Variants in MCF2L2 observed in about 807,000 individuals in gnomAD.
MCF2L2 encodes probable guanine nucleotide exchange factor MCF2L2.
A neutral mutation model predicts 150.2 loss-of-function variants in MCF2L2; 102 were observed. The ratio of observed to expected loss-of-function variants is 0.68; its 90% CI spans 0.58 to 0.80. The LOEUF (loss-of-function observed/expected upper bound fraction) is 0.80. Ranked by LOEUF, MCF2L2 falls within the 30% of genes least tolerant of loss-of-function variation. The probability of loss-of-function intolerance (pLI) is 0.00; values close to 1 mark genes in which losing one functional copy is unlikely to be tolerated. For missense variants in MCF2L2, 1,256 were observed against 1,372.8 expected (o/e 0.91, Z 1.34); for synonymous variants, 465 against 491.3 (o/e 0.95, Z 0.71).
Position 183,280,574 on chromosome 3 carries a change from G to A in MCF2L2, c.1777-3617C>T, listed in dbSNP as rs191797524. On this transcript the variant is annotated intron_variant, in intron 14 of 29. Coordinates refer to ENST00000328913, the MANE Select transcript of MCF2L2 (RefSeq NM_015078.4). ...TAAAGCAAGGGTATCTGGGCCAGGC[G>A]TGGTGGCTCCCTCCTGTAATCCTAG... is the stretch of plus-strand genomic sequence containing the variant. 3.9e-5 allele frequency among the ~76,000 whole-genome samples: 6 copies of A among 152,066 alleles called. No homozygotes were observed. In the East Asian group the frequency reaches 5.8e-4, roughly 15 times the overall value.
At chr3:183,376,729 A>T (rs1409951594) in intron 3 of MCF2L2, 3 of 152,252 alleles carry the variant, frequency 2.0e-5, no homozygotes, top group Non-Finnish European at 4.4e-5. Flanking sequence ...AAGAGCCCTC[A>T]TAAAGAAATG....
rs181240544 is a variant in MCF2L2, at chr3:183,307,173, C to T, written c.1113+2543G>A. Reference sequence around the variant, plus strand: ...GAAGCTGGCAACACCCCAGAGCCAGCGTGTGGCTGTGCTGGGAGGGAGCTG... The same window carrying T: ...GAAGCTGGCAACACCCCAGAGCCAGTGTGTGGCTGTGCTGGGAGGGAGCTG... On this transcript the variant is annotated intron_variant, in intron 10 of 29. Transcript: ENST00000328913. 4.6e-5 allele frequency among the ~76,000 whole-genome samples: 7 copies of T among 152,282 alleles called. No individual in the cohort carries two copies. In the East Asian group the frequency reaches 5.8e-4, roughly 13 times the overall value.
At chr3:183,333,773 C>A (rs202237090) in intron 5 of MCF2L2, among the ~76,000 whole-genome samples, 1 of 152,024 alleles carries the variant, frequency 6.6e-6, no homozygotes, top group East Asian at 1.9e-4. Flanking sequence ...CTTCTGTCTG[C>A]TGAAAGAGCC....
At chr3:183,215,870 C>A (rs1722891953) in intron 22 of MCF2L2, 99 bp downstream of exon 22, 2 of 1,421,042 alleles carry the variant, frequency 1.4e-6, no homozygotes, top group South Asian at 2.8e-5. Context: ...AATTCCTTTA[C>A]CATAGACGAT....
At chr3:183,366,472 C>T (rs1444734305) in intron 3 of MCF2L2, among the ~76,000 whole-genome samples, 1 of 152,186 alleles carries the variant, frequency 6.6e-6, no homozygotes, top group Admixed American at 6.5e-5. Context: ...TGGCAAAATC[C>T]TGTCTCTACT....
chr3:183,336,511 C>T (rs1231502915), intron 5 of MCF2L2, among the ~76,000 whole-genome samples: 1 of 152,046 alleles, frequency 6.6e-6, no homozygotes, highest in Non-Finnish European at 1.5e-5. Flanking sequence ...GAGTTCAATT[C>T]ATTTTGATAA....
chr3:183,321,499 G>A (rs992267305), intron 6 of MCF2L2, among the ~76,000 whole-genome samples: 1 of 151,538 alleles, frequency 6.6e-6, no homozygotes, highest in African/African-American at 2.4e-5. Flanking sequence ...AACAAACTCT[G>A]AAATATTGCA....
At chr3:183,295,534 C>A in intron 12 of MCF2L2, 57 bp from the exon 13 acceptor site, 1 of 1,540,696 alleles carries the variant, frequency 6.5e-7, no homozygotes, top group Non-Finnish European at 8.9e-7. Flanking sequence ...AGCCTGAGGA[C>A]ACGAAGCATT....
intron 15 of MCF2L2, among the ~76,000 whole-genome samples, chr3:183,239,237 T>G (rs1723895127): frequency 6.6e-6 from 1 of 152,120 alleles, no homozygotes; most frequent in African/African-American, 2.4e-5. Flanking sequence ...CTGCGTTAGT[T>G]TACATCCGGG....
Position 183,201,251 on chromosome 3 carries a change from T to C in MCF2L2, c.2884+4625A>G, listed in dbSNP as rs184849389. On this transcript the variant is annotated intron_variant, in intron 25 of 29. Transcript: ENST00000328913. ...ATTTTCACGATATTGATTCTTCCTA[T>C]CCATGAGCATGGAATGTTCTTCCAT... Among the ~76,000 whole-genome samples the C allele has an allele frequency of 1.7e-4, 26 of 152,286 alleles. No individual in the cohort carries two copies. The South Asian group carries it at 3.7e-3, about 22-fold the overall frequency.
intron 15 of MCF2L2, among the ~76,000 whole-genome samples, chr3:183,249,686 G>C (rs1047684690): frequency 6.6e-6 from 1 of 152,240 alleles, no homozygotes; most frequent in African/African-American, 2.4e-5. Flanking sequence ...AAGGGTGCCA[G>C]GCCATAGAAG....
rs764298612 is a variant in MCF2L2, at chr3:183,427,989, A to C, written c.-12T>G. 1 of 1,607,194 alleles carries C rather than the reference A, an allele frequency of 6.2e-7. No individual in the cohort carries two copies. ...AAGCAAGACAGCATTTCACTGAAAA[A>C]CCATTCCGTATAAATAAAGCCAAAC... On this transcript the variant is annotated 5_prime_UTR_variant, in exon 1 of 30. Coordinates refer to ENST00000328913, the MANE Select transcript of MCF2L2 (RefSeq NM_015078.4).
chr3:183,274,995 T>C (rs1170048832), intron 15 of MCF2L2, among the ~76,000 whole-genome samples: 1 of 151,910 alleles, frequency 6.6e-6, no homozygotes, highest in Non-Finnish European at 1.5e-5. Flanking sequence ...GCCACTATTA[T>C]CTATCACAAA....
At chr3:183,209,935 T>TAA (rs1000217159) in intron 22 of MCF2L2, among the ~76,000 whole-genome samples, 9 of 141,876 alleles carry the variant, frequency 6.3e-5, no homozygotes, top group African/African-American at 7.7e-5. Flanking sequence ...AATCCTCCCC[T>TAA]AAAAAAAAAA....
intron 2 of MCF2L2, among the ~76,000 whole-genome samples, chr3:183,388,696 G>T (rs1406937942): frequency 1.3e-5 from 2 of 152,194 alleles, no homozygotes; most frequent in African/African-American, 4.8e-5. Flanking sequence ...AAAGACCAGA[G>T]AATTCCCCCA....
At chr3:183,426,731 C>T (rs1039633197) in intron 1 of MCF2L2, among the ~76,000 whole-genome samples, 3 of 152,216 alleles carry the variant, frequency 2.0e-5, no homozygotes, top group Non-Finnish European at 4.4e-5. Flanking sequence ...ACACTGCCTT[C>T]AGCAATATTT....
intron 10 of MCF2L2, among the ~76,000 whole-genome samples, chr3:183,303,678 G>A (rs1049928678): frequency 6.6e-6 from 1 of 152,052 alleles, no homozygotes; most frequent in African/African-American, 2.4e-5. Context: ...GTCTGCTCAG[G>A]CCTCATGGCT....
chr3:183,252,568 T>C (rs2108386645), intron 15 of MCF2L2, among the ~76,000 whole-genome samples: 3 of 152,330 alleles, frequency 2.0e-5, no homozygotes, highest in Non-Finnish European at 4.4e-5. Flanking sequence ...CACGCTGGTC[T>C]CTAACTCCTG....
chr3:183,185,101 G>C (rs537758628), intron 27 of MCF2L2, among the ~76,000 whole-genome samples: 2 of 152,154 alleles, frequency 1.3e-5, no homozygotes, highest in Non-Finnish European at 2.9e-5. Context: ...TGTAATATCA[G>C]TAGAGACAGG....
Sources: allele counts gnomAD v4.1 joint callset (sites outside exome capture counted in the v4.1 genomes callset), GRCh38; gene constraint gnomAD v4.1.1; transcripts MANE v1.5; gene names NCBI Gene and HGNC (gene_info 2026-07-23, HGNC 2026-07-21).